Variants in LRP1B observed in about 807,000 individuals in gnomAD.
LRP1B encodes the protein low-density lipoprotein receptor-related protein 1B.
A neutral mutation model predicts 556.6 loss-of-function variants in LRP1B; 217 were observed. That is an observed-to-expected ratio of 0.39 (90% CI 0.35 to 0.44). The LOEUF (loss-of-function observed/expected upper bound fraction) is 0.44, where lower values mean the gene tolerates loss of function less well. Ranked by LOEUF, LRP1B falls within the 20% of genes least tolerant of loss-of-function variation. The probability of loss-of-function intolerance (pLI) is 1.00; values close to 1 mark genes in which losing one functional copy is unlikely to be tolerated. For synonymous variants in LRP1B, 2,047 were observed against 1,865.8 expected (o/e 1.10, Z -2.50); for missense variants, 5,053 against 5,620.8 (o/e 0.90, Z 3.23).
rs149026200 is a variant in LRP1B, at chr2:142,104,873, C to A, written c.82+25775G>T. ...CTTTACCTATCAGAAGCTCTCCAAT[C>A]AATTTTCTTCAAGACCAGTTGTGAA... On this transcript the variant is annotated intron_variant, in intron 1 of 90. Transcript: ENST00000389484. Among the ~76,000 whole-genome samples the A allele has an allele frequency of 4.0e-4, 61 of 152,292 alleles. No individual in the cohort carries two copies. The East Asian group carries it at 0.011, about 28-fold the overall frequency.
intron 32 of LRP1B, among the ~76,000 whole-genome samples, chr2:140,795,960 ACT>A (rs1013127407): frequency 2.6e-5 from 4 of 152,074 alleles, no homozygotes; most frequent in African/African-American, 4.8e-5. Context: ...AATATAAAAC[ACT>A]CTGTTATTTT....
chr2:141,819,273 A>C (rs533674832), intron 1 of LRP1B, among the ~76,000 whole-genome samples: 1 of 152,044 alleles, frequency 6.6e-6, no homozygotes, highest in Non-Finnish European at 1.5e-5. Flanking sequence ...AAAAACAAAA[A>C]ACTTTCCCAG....
intron 43 of LRP1B, among the ~76,000 whole-genome samples, chr2:140,593,098 T>G (rs1346098182): frequency 6.6e-6 from 1 of 152,190 alleles, no homozygotes; most frequent in African/African-American, 2.4e-5. Context: ...TTAAAAGAGT[T>G]CATGTAATCA....
intron 7 of LRP1B, among the ~76,000 whole-genome samples, chr2:141,108,350 T>C (rs1344142089): frequency 5.3e-5 from 7 of 132,832 alleles, no homozygotes; most frequent in East Asian, 4.2e-4. Context: ...TTTTTTTTTT[T>C]TTTTTTTTTT....
At chr2:140,600,742 C>T (rs1406145918) in intron 42 of LRP1B, among the ~76,000 whole-genome samples, 2 of 95,620 alleles carry the variant, frequency 2.1e-5, no homozygotes, top group African/African-American at 7.5e-5. Context: ...TTTTTTTGTT[C>T]CTTACCTGTG....
chr2:141,049,591 T>C (rs1698977709), intron 10 of LRP1B, among the ~76,000 whole-genome samples: 1 of 152,200 alleles, frequency 6.6e-6, no homozygotes, highest in Admixed American at 6.6e-5. Context: ...CTGTCGATAC[T>C]AACTGTACCA....
chr2:141,084,511 T>C (rs1368997088), intron 7 of LRP1B, among the ~76,000 whole-genome samples: 1 of 152,226 alleles, frequency 6.6e-6, no homozygotes, highest in Admixed American at 6.5e-5. Flanking sequence ...TTGCATGTTA[T>C]AGTACAATTT....
chr2:140,669,565 A>G (rs947783534), intron 41 of LRP1B, among the ~76,000 whole-genome samples: 25 of 152,162 alleles, frequency 1.6e-4, no homozygotes, highest in Admixed American at 1.3e-3. Flanking sequence ...TTTTCGATTA[A>G]CATTCCATAA....
At chr2:140,415,764 C>A (rs1685170912) in intron 66 of LRP1B, among the ~76,000 whole-genome samples, 1 of 150,550 alleles carries the variant, frequency 6.6e-6, no homozygotes, top group Non-Finnish European at 1.5e-5. Flanking sequence ...TGGTTCTAGT[C>A]CCCACCCATT....
chr2:141,868,593 A>T (rs1020863354), intron 1 of LRP1B, among the ~76,000 whole-genome samples: 2 of 152,194 alleles, frequency 1.3e-5, no homozygotes, highest in Non-Finnish European at 1.5e-5. Context: ...ACAGAATAGT[A>T]GTTGGGGGAA....
intron 2 of LRP1B, among the ~76,000 whole-genome samples, chr2:141,711,062 C>G (rs1339397245): frequency 6.6e-6 from 1 of 152,190 alleles, no homozygotes; most frequent in African/African-American, 2.4e-5. Context: ...TATTCTCCCC[C>G]TTTCATCCCT....
intron 41 of LRP1B, among the ~76,000 whole-genome samples, chr2:140,609,842 A>G (rs1035616266): frequency 6.6e-6 from 1 of 152,118 alleles, no homozygotes; most frequent in African/African-American, 2.4e-5. Flanking sequence ...TTCTCCATCC[A>G]GCAACTCTAG....
intron 2 of LRP1B, among the ~76,000 whole-genome samples, chr2:141,615,925 G>A (rs1044287210): frequency 1.3e-5 from 2 of 152,114 alleles, no homozygotes; most frequent in Non-Finnish European, 2.9e-5. Flanking sequence ...TATTAAGGTC[G>A]TAAAAAATAA....
rs780987101 is a variant in LRP1B, at chr2:140,840,093, C to A, written c.5115-8G>T. On this transcript the variant is annotated splice_polypyrimidine_tract_variant and splice_region_variant and intron_variant, in intron 30 of 90. Transcript: ENST00000389484. The stretch of plus-strand genomic sequence containing the variant: ...TCGGTCCAGTAGAGTTTTCTTAATT[C>A]AAAAGACATATGGATTGAAAATATT... 1 of 1,543,138 alleles carries A rather than the reference C, an allele frequency of 6.5e-7. No individual in the cohort carries two copies. Among genetic ancestry groups the A allele is most frequent in the Non-Finnish European group, 8.9e-7 (1 of 1,125,954 alleles).
intron 3 of LRP1B, among the ~76,000 whole-genome samples, chr2:141,361,954 T>C (rs1688840996): frequency 6.6e-6 from 1 of 152,210 alleles, no homozygotes; most frequent in African/African-American, 2.4e-5. Flanking sequence ...CCCTCTCAAG[T>C]ATATAACATA....
chr2:140,405,134 C>CA (rs1241748604), intron 66 of LRP1B, among the ~76,000 whole-genome samples: 2 of 152,062 alleles, frequency 1.3e-5, no homozygotes, highest in South Asian at 2.1e-4. Flanking sequence ...ACAATGAAAT[C>CA]AAGATGCAAA....
chr2:141,329,080 G>T (rs1687535395), intron 3 of LRP1B, among the ~76,000 whole-genome samples: 1 of 152,094 alleles, frequency 6.6e-6, no homozygotes, highest in African/African-American at 2.4e-5. Flanking sequence ...TGGTGGTTTT[G>T]TAATAGTTTT....
At chr2:141,127,507 A>G (rs976877276) in intron 7 of LRP1B, among the ~76,000 whole-genome samples, 1 of 152,204 alleles carries the variant, frequency 6.6e-6, no homozygotes, top group Non-Finnish European at 1.5e-5. Flanking sequence ...CATCAGTAAT[A>G]GACTGGATAA....
chr2:141,329,736 G>C (rs539158405), intron 3 of LRP1B, among the ~76,000 whole-genome samples: 1 of 152,108 alleles, frequency 6.6e-6, no homozygotes, highest in Admixed American at 6.5e-5. Context: ...CCAGATAAGT[G>C]AGGTATCATG....
Sources: allele counts gnomAD v4.1 joint callset (sites outside exome capture counted in the v4.1 genomes callset), GRCh38; gene constraint gnomAD v4.1.1; transcripts MANE v1.5; gene names NCBI Gene and HGNC (gene_info 2026-07-23, HGNC 2026-07-21).